SRPK2: variants seen among roughly 807,000 people sequenced by gnomAD.
SRPK2 encodes the protein SFRS protein kinase 2.
A neutral mutation model predicts 90.8 loss-of-function variants in SRPK2; 21 were observed. That is an observed-to-expected ratio of 0.23 (90% CI 0.16 to 0.33). SRPK2 has a LOEUF of 0.33. SRPK2 is among the 10% of genes least tolerant of loss of function. The probability of loss-of-function intolerance (pLI) is 1.00; values close to 1 mark genes in which losing one functional copy is unlikely to be tolerated. For synonymous variants in SRPK2, 288 were observed against 311.1 expected (o/e 0.93, Z 0.78); for missense variants, 620 against 869.0 (o/e 0.71, Z 3.60).
chr7:105,277,367 C>T (rs1228653492), intron 2 of SRPK2, among the ~76,000 whole-genome samples: 1 of 152,210 alleles, frequency 6.6e-6, no homozygotes, highest in Non-Finnish European at 1.5e-5. Flanking sequence ...TGAGCCACTG[C>T]GCCCGGCCCA....
At chr7:105,248,070 C>G (rs1298659972) in intron 2 of SRPK2, among the ~76,000 whole-genome samples, 5 of 152,130 alleles carry the variant, frequency 3.3e-5, no homozygotes, top group Non-Finnish European at 5.9e-5. Flanking sequence ...TCAGGCTGGT[C>G]TCGAACTACC....
intron 2 of SRPK2, among the ~76,000 whole-genome samples, chr7:105,342,621 T>C (rs536065187): frequency 3.3e-5 from 5 of 152,218 alleles, no homozygotes; most frequent in Admixed American, 6.6e-5. Flanking sequence ...CACAAAGACA[T>C]TAAACTCAAC....
intron 2 of SRPK2, among the ~76,000 whole-genome samples, chr7:105,343,065 G>A (rs932014677): frequency 2.0e-5 from 3 of 152,180 alleles, no homozygotes; most frequent in Admixed American, 1.3e-4. Context: ...GGTAAGAGAT[G>A]GTAAAGAAGG....
At chr7:105,316,887 A>T (rs892544477) in intron 2 of SRPK2, among the ~76,000 whole-genome samples, 1 of 152,210 alleles carries the variant, frequency 6.6e-6, no homozygotes, top group Non-Finnish European at 1.5e-5. Flanking sequence ...ATTTGCAAAA[A>T]GGGGACAACA....
intron 2 of SRPK2, among the ~76,000 whole-genome samples, chr7:105,381,358 T>C (rs1013821225): frequency 6.6e-6 from 1 of 152,086 alleles, no homozygotes; most frequent in Non-Finnish European, 1.5e-5. Flanking sequence ...AGGTAGATCA[T>C]GACGTCAGGA....
At chr7:105,195,098 G>A (rs1794755695) in intron 3 of SRPK2, among the ~76,000 whole-genome samples, 1 of 152,178 alleles carries the variant, frequency 6.6e-6, no homozygotes, top group East Asian at 1.9e-4. Context: ...CGCCCAGGCT[G>A]GAGTGCAGTG....
At chr7:105,156,358 G>A (rs911064207) in intron 7 of SRPK2, among the ~76,000 whole-genome samples, 3 of 152,050 alleles carry the variant, frequency 2.0e-5, no homozygotes, top group Admixed American at 2.0e-4. Flanking sequence ...CATTTCACAG[G>A]GTTATTGTGA....
chr7:105,131,493 C>A (rs1279296272), intron 13 of SRPK2, among the ~76,000 whole-genome samples: 1 of 152,116 alleles, frequency 6.6e-6, no homozygotes, highest in Non-Finnish European at 1.5e-5. Context: ...ATAATTTAAA[C>A]GTTATTGTCT....
chr7:105,151,835 C>G (rs1235277076), intron 7 of SRPK2, among the ~76,000 whole-genome samples: 1 of 152,066 alleles, frequency 6.6e-6, no homozygotes, highest in Non-Finnish European at 1.5e-5. Context: ...ACCAGCCTGG[C>G]CAACACGGTG....
At chr7:105,359,088 C>A (rs12671047) in intron 2 of SRPK2, among the ~76,000 whole-genome samples, 40,481 of 150,210 alleles carry the variant, frequency 0.27, 5,946 homozygotes, top group Middle Eastern at 0.34. Context: ...ACCACCAACA[C>A]TGGGGTATCA....
chr7:105,192,955 A>G (rs1243046381), intron 3 of SRPK2, among the ~76,000 whole-genome samples: 1 of 151,884 alleles, frequency 6.6e-6, no homozygotes, highest in Non-Finnish European at 1.5e-5. Context: ...TGTCGGATGT[A>G]TAGATTGTGA....
intron 2 of SRPK2, among the ~76,000 whole-genome samples, chr7:105,216,705 A>G (rs1797518349): frequency 6.6e-6 from 1 of 152,060 alleles, no homozygotes; most frequent in Admixed American, 6.5e-5. Context: ...CAACAACAAA[A>G]TAACTGTTAC....
intron 2 of SRPK2, among the ~76,000 whole-genome samples, chr7:105,213,661 T>C (rs1466177354): frequency 6.6e-6 from 1 of 152,094 alleles, no homozygotes; most frequent in African/African-American, 2.4e-5. Context: ...GATATACATA[T>C]AAGAAGAACA....
chr7:105,244,772 C>T, intron 2 of SRPK2: 1 of 980,808 alleles, frequency 1.0e-6, no homozygotes, highest in Non-Finnish European at 1.6e-6. Flanking sequence ...CAAGTTTGTG[C>T]GGGACATGAT....
intron 2 of SRPK2, among the ~76,000 whole-genome samples, chr7:105,341,950 G>A (rs963665401): frequency 6.8e-6 from 1 of 147,220 alleles, no homozygotes; most frequent in Admixed American, 6.8e-5. Flanking sequence ...CTGGCTGCCA[G>A]AGCGAGACTC....
chr7:105,289,545 T>A (rs1808667724), intron 2 of SRPK2, among the ~76,000 whole-genome samples: 1 of 152,146 alleles, frequency 6.6e-6, no homozygotes, highest in South Asian at 2.1e-4. Flanking sequence ...AGCCCAGGAA[T>A]TCAAAGCCAG....
intron 2 of SRPK2, among the ~76,000 whole-genome samples, chr7:105,293,154 C>T (rs1243133588): frequency 6.6e-6 from 1 of 151,826 alleles, no homozygotes; most frequent in Non-Finnish European, 1.5e-5. Flanking sequence ...AAAAATTGGC[C>T]GGGCATGGTG....
In SRPK2 at chr7:105,302,227, T is replaced by C. The variant is rs1585619552; in HGVS notation, c.71+86421A>G. ...TTTCTTACATTAAAAAGGTTGTAAG[T>C]TGAAAGTTCATGAAGAGATCCAGTT... On this transcript the variant is annotated intron_variant, in intron 2 of 15. Coordinates refer to ENST00000393651, the MANE Select transcript of SRPK2 (RefSeq NM_182692.3). 9 of 717,364 alleles carry C rather than the reference T, an allele frequency of 1.3e-5. No homozygotes were observed. The East Asian group carries it at 1.5e-4, about 12-fold the overall frequency. The allele number at this position is 717,364 out of a possible 1,614,324, so 44.4% of individuals were successfully genotyped here.
chr7:105,339,618 A>C lies in SRPK2; in HGVS notation c.71+49030T>G, dbSNP rs546687563. 5.9e-5 allele frequency among the ~76,000 whole-genome samples: 9 copies of C among 152,358 alleles called. No individual in the cohort carries two copies. The East Asian group carries it at 1.5e-3, about 26-fold the overall frequency. On this transcript the variant is annotated intron_variant, in intron 2 of 15. Transcript: ENST00000393651. ...CCATGAACTCCTGTGATCCCTGAGA[A>C]TACTACTAAAACACTGTTTGCTTTT...
Sources: allele counts gnomAD v4.1 joint callset (sites outside exome capture counted in the v4.1 genomes callset), GRCh38; gene constraint gnomAD v4.1.1; transcripts MANE v1.5; gene names NCBI Gene and HGNC (gene_info 2026-07-23, HGNC 2026-07-21).